The following CPED1 variants were observed in gnomAD, a reference collection of about 807,000 sequenced individuals.
CPED1 encodes the protein cadherin-like and PC-esterase domain-containing protein 1.
In CPED1, 114 loss-of-function variants were observed where a neutral mutation model predicts 128.2. The ratio of observed to expected loss-of-function variants is 0.89; its 90% CI spans 0.76 to 1.04. The LOEUF (loss-of-function observed/expected upper bound fraction) is 1.04. Ranked by LOEUF, CPED1 falls within the 50% of genes least tolerant of loss-of-function variation. The probability of loss-of-function intolerance (pLI) is 0.00; values close to 1 mark genes in which losing one functional copy is unlikely to be tolerated. For missense variants in CPED1, 1,211 were observed against 1,207.1 expected, an observed-to-expected ratio of 1.00 and a Z score of -0.05; for synonymous variants, 462 against 426.7, an observed-to-expected ratio of 1.08 and a Z score of -1.02.
chr7:121,180,956 T>C lies in CPED1; in HGVS notation c.2055+38815T>C, dbSNP rs370714349. On this transcript the variant is annotated intron_variant, in intron 16 of 22. Transcript: ENST00000310396. ...GGGTTGAAACTGTGACTGTATGACA[T>C]TTGATTTGGGCTTCATTTCATCTCT... is the stretch of plus-strand genomic sequence containing the variant. 3.9e-5 allele frequency among the ~76,000 whole-genome samples: 6 copies of C among 152,126 alleles called. No homozygotes were observed. The East Asian group carries it at 7.7e-4, about 20-fold the overall frequency.
At chr7:121,077,823 TTATG>T (rs1371773034) in intron 5 of CPED1, among the ~76,000 whole-genome samples, 2 of 151,888 alleles carry the variant, frequency 1.3e-5, no homozygotes, top group South Asian at 2.1e-4. Context: ...TTACCTTTAT[TTATG>T]GTATTTCTAG....
chr7:121,177,114 A>G (rs1796800955), intron 16 of CPED1, among the ~76,000 whole-genome samples: 1 of 152,054 alleles, frequency 6.6e-6, no homozygotes, highest in East Asian at 1.9e-4. Flanking sequence ...TCTCATTCCC[A>G]GAAGGTACCA....
At chr7:121,054,560 C>G (rs1793444490) in intron 4 of CPED1, among the ~76,000 whole-genome samples, 1 of 152,090 alleles carries the variant, frequency 6.6e-6, no homozygotes, top group Non-Finnish European at 1.5e-5. Flanking sequence ...TCTCCTCACT[C>G]CCTTCAGTGT....
chr7:121,272,430 C>A (rs1584646468), intron 22 of CPED1, among the ~76,000 whole-genome samples: 1 of 151,974 alleles, frequency 6.6e-6, no homozygotes, highest in East Asian at 1.9e-4. Flanking sequence ...GAGCCCCCTC[C>A]CCACCAGTGG....
intron 16 of CPED1, among the ~76,000 whole-genome samples, chr7:121,226,683 G>GA (rs1172900790): frequency 6.6e-6 from 1 of 152,042 alleles, no homozygotes; most frequent in Non-Finnish European, 1.5e-5. Context: ...CCATAAAGGA[G>GA]AAAAATCTCT....
intron 5 of CPED1, among the ~76,000 whole-genome samples, chr7:121,085,222 G>T (rs1198988953): frequency 6.6e-6 from 1 of 152,130 alleles, no homozygotes; most frequent in Non-Finnish European, 1.5e-5. Flanking sequence ...GTGCTGAGGT[G>T]CCATGTCCAG....
At chr7:121,105,982 G>T (rs1278138986) in intron 7 of CPED1, among the ~76,000 whole-genome samples, 1 of 152,116 alleles carries the variant, frequency 6.6e-6, no homozygotes, top group Non-Finnish European at 1.5e-5. Context: ...TTAAGCAGAT[G>T]ACTCTAAGCC....
At chr7:121,160,695 A>G (rs1796392840) in intron 16 of CPED1, among the ~76,000 whole-genome samples, 1 of 152,190 alleles carries the variant, frequency 6.6e-6, no homozygotes, top group African/African-American at 2.4e-5. Flanking sequence ...CAGTCCCCTG[A>G]GTTCTCAGGA....
intron 16 of CPED1, among the ~76,000 whole-genome samples, chr7:121,206,754 A>T (rs1294017562): frequency 6.6e-6 from 1 of 151,978 alleles, no homozygotes; most frequent in Non-Finnish European, 1.5e-5. Flanking sequence ...CTGAAAAAAT[A>T]TTGAGAATCC....
At position 121,069,215 on chromosome 7, in the gene CPED1, A is replaced by G. The variant is rs138889645; in HGVS notation, c.616+4902A>G. 8.7e-3 allele frequency among the ~76,000 whole-genome samples: 1,321 copies of G among 152,254 alleles called. 19 individuals are homozygous for G. Among genetic ancestry groups the G allele is most frequent in the African/African-American group, 0.03 (1,235 of 41,558 alleles). On this transcript the variant is annotated intron_variant, in intron 5 of 22. Coordinates refer to ENST00000310396, the MANE Select transcript of CPED1 (RefSeq NM_024913.5). Reference sequence around the variant, plus strand: ...ATAGAGCAGTGTCTCCAACAATTTCAGAGAGGAATACCTAACAAGTCCTAA... The same window carrying G: ...ATAGAGCAGTGTCTCCAACAATTTCGGAGAGGAATACCTAACAAGTCCTAA...
intron 16 of CPED1, among the ~76,000 whole-genome samples, chr7:121,212,040 T>G (rs1227956962): frequency 1.3e-5 from 2 of 152,014 alleles, no homozygotes; most frequent in African/African-American, 4.8e-5. Flanking sequence ...TAATTTTGCA[T>G]TGCCTGGCAA....
At chr7:121,246,780 T>C (rs1053109978) in intron 18 of CPED1, among the ~76,000 whole-genome samples, 15 of 152,322 alleles carry the variant, frequency 9.8e-5, no homozygotes, top group African/African-American at 3.6e-4. Context: ...TCATTGTTCA[T>C]ACCTGTTAAT....
chr7:121,236,816 T>A lies in CPED1; in HGVS notation c.2158T>A (p.Ser720Thr). 6.3e-7 allele frequency: 1 copy of A among 1,579,204 alleles called. No homozygotes were observed. The highest frequency in any genetic ancestry group is 1.1e-5 in the South Asian group (1 of 88,048). ...ACAGTCTGAACTAAAAAGATGTCCATCTGGGGACATGAAAGGTGACTATCA... is the reference window on the plus strand; with the variant it reads ...ACAGTCTGAACTAAAAAGATGTCCAACTGGGGACATGAAAGGTGACTATCA... ...ILQSELKRCP[S>T]GDMKGQWIVP... Residue 720 changes from serine (S) to threonine (T), a missense_variant, in exon 17 of 23, where the codon TCT becomes ACT. Transcript: ENST00000310396.
At chr7:121,116,821 G>A (rs981186971) in intron 7 of CPED1, among the ~76,000 whole-genome samples, 2 of 151,632 alleles carry the variant, frequency 1.3e-5, no homozygotes, top group African/African-American at 2.4e-5. Context: ...AGAATGATGA[G>A]TACCATCTTC....
At chr7:121,035,150 G>A (rs1402654213) in intron 3 of CPED1, among the ~76,000 whole-genome samples, 1 of 152,148 alleles carries the variant, frequency 6.6e-6, no homozygotes, top group Non-Finnish European at 1.5e-5. Context: ...GGTAGGGAGG[G>A]GCTACTTCTG....
At position 121,130,164 on chromosome 7, in the gene CPED1, C is replaced by A. The variant is rs772751460; in HGVS notation, c.1447C>A (p.His483Asn). The change falls in exon 12 of 23, where the codon CAT becomes AAT. Residue 483 changes from histidine to asparagine, a missense_variant. By Grantham distance (68) the His-to-Asn change is moderately conservative (BLOSUM62 1). Transcript: ENST00000310396. ...TACTCCTGGGATTCAGTCACTGATG[C>A]ATGAATTTTATGATGTGGCAAATCC... ...STTPGIQSLM[H>N]EFYDVANPVG... 2.5e-6 allele frequency: 4 copies of A among 1,612,664 alleles called. No individual in the cohort carries two copies. The highest frequency in any genetic ancestry group is 1.3e-5 in the African/African-American group (1 of 74,970).
intron 14 of CPED1, among the ~76,000 whole-genome samples, chr7:121,138,158 A>G (rs950280116): frequency 2.0e-5 from 3 of 152,122 alleles, no homozygotes; most frequent in Admixed American, 2.0e-4. Context: ...ATTATCTTTA[A>G]GAGTCTAGGC....
intron 4 of CPED1, among the ~76,000 whole-genome samples, chr7:121,052,574 G>A (rs1793383528): frequency 6.6e-6 from 1 of 152,156 alleles, no homozygotes; most frequent in South Asian, 2.1e-4. Context: ...CACTGGAGGC[G>A]AGTGGAATAT....
At chr7:121,152,763 A>G (rs1760083418) in intron 16 of CPED1, among the ~76,000 whole-genome samples, 1 of 152,228 alleles carries the variant, frequency 6.6e-6, no homozygotes, top group Non-Finnish European at 1.5e-5. Flanking sequence ...AGTAAAATGT[A>G]TTGGAGATTT....
Sources: allele counts gnomAD v4.1 joint callset (sites outside exome capture counted in the v4.1 genomes callset), GRCh38; gene constraint gnomAD v4.1.1; transcripts MANE v1.5; gene names NCBI Gene and HGNC (gene_info 2026-07-23, HGNC 2026-07-21).